Variants in CHN1 observed in about 807,000 individuals in gnomAD.
The protein encoded by CHN1 is N-chimaerin.
CHN1 carries 37 observed loss-of-function variants against 59.5 expected under a neutral mutation model. The ratio of observed to expected loss-of-function variants is 0.62; its 90% CI spans 0.48 to 0.82. The LOEUF (loss-of-function observed/expected upper bound fraction) is 0.82. CHN1 is among the 40% of genes least tolerant of loss of function. The pLI, the probability that CHN1 is intolerant of heterozygous loss-of-function variation, is 0.00. For missense variants in CHN1, 469 were observed against 571.0 expected, an observed-to-expected ratio of 0.82 and a Z score of 1.82; for synonymous variants, 206 against 200.4, an observed-to-expected ratio of 1.03 and a Z score of -0.24.
At chr2:174,957,446 T>TGGGGG (rs571065105) in intron 1 of CHN1, among the ~76,000 whole-genome samples, 12 of 89,932 alleles carry the variant, frequency 1.3e-4, no homozygotes, top group African/African-American at 2.3e-4. Flanking sequence ...GTGTGTGTGT[T>TGGGGG]GGGGGGGGGG....
chr2:174,960,517 A>G (rs1017170485), intron 1 of CHN1, among the ~76,000 whole-genome samples: 1 of 152,218 alleles, frequency 6.6e-6, no homozygotes, highest in Non-Finnish European at 1.5e-5. Flanking sequence ...AGAGCTTTTA[A>G]TATTTATTGA....
intron 7 of CHN1, among the ~76,000 whole-genome samples, chr2:174,839,271 C>T (rs927219764): frequency 1.3e-5 from 2 of 152,014 alleles, no homozygotes; most frequent in African/African-American, 2.4e-5. Flanking sequence ...TTAAAAATTG[C>T]GTGTTTTTCC....
chr2:174,834,616 T>C (rs376108141), intron 7 of CHN1, among the ~76,000 whole-genome samples: 22 of 152,354 alleles, frequency 1.4e-4, no homozygotes, highest in East Asian at 1.2e-3. Flanking sequence ...GATGAGAATT[T>C]TGCTGCCATT....
intron 6 of CHN1, among the ~76,000 whole-genome samples, chr2:174,865,031 AGAGAG>A (rs1217263642): frequency 6.6e-6 from 1 of 151,482 alleles, no homozygotes; most frequent in African/African-American, 2.5e-5. Flanking sequence ...TACTTCATGA[AGAGAG>A]GACAGCATTT....
chr2:174,882,720 T>C (rs550177634), intron 5 of CHN1, among the ~76,000 whole-genome samples: 207 of 152,340 alleles, frequency 1.4e-3, no homozygotes, highest in Non-Finnish European at 2.4e-3. Flanking sequence ...ATCATAAATA[T>C]ATATTTGTCT....
At chr2:174,909,926 G>A (rs1327667335) in intron 5 of CHN1, among the ~76,000 whole-genome samples, 4 of 152,152 alleles carry the variant, frequency 2.6e-5, no homozygotes, top group South Asian at 4.1e-4. Context: ...TTATAAATAG[G>A]AAACTAAAGC....
intron 6 of CHN1, among the ~76,000 whole-genome samples, chr2:174,869,337 T>C (rs1376084326): frequency 6.6e-6 from 1 of 152,128 alleles, no homozygotes; most frequent in African/African-American, 2.4e-5. Context: ...CATTCCAAAA[T>C]TGGAGTTAAG....
At chr2:174,980,796 A>C (rs977925687) in intron 1 of CHN1, among the ~76,000 whole-genome samples, 2 of 152,176 alleles carry the variant, frequency 1.3e-5, no homozygotes, top group Admixed American at 6.5e-5. Context: ...TGTTAGAAAT[A>C]CCTGAGGAAA....
intron 8 of CHN1, among the ~76,000 whole-genome samples, chr2:174,819,708 CAATGTGCAG>C (rs1390889991): frequency 6.6e-6 from 1 of 151,894 alleles, no homozygotes; most frequent in Non-Finnish European, 1.5e-5. Context: ...TACATGTGCA[CAATGTGCAG>C]GTTAGTTACA....
intron 11 of CHN1, chr2:174,802,186 A>ACTT (rs1184804466): frequency 9.0e-6 from 2 of 222,632 alleles, no homozygotes; most frequent in East Asian, 2.1e-4. Context: ...TTAGAATAAT[A>ACTT]CTTATAGAAT....
chr2:174,925,508 T>C (rs1340095915), intron 3 of CHN1, among the ~76,000 whole-genome samples: 4 of 152,236 alleles, frequency 2.6e-5, no homozygotes, highest in Non-Finnish European at 4.4e-5. Context: ...AGGTCTTTCC[T>C]GGACCTAGGA....
chr2:174,821,947 C>G (rs896783949), intron 8 of CHN1, among the ~76,000 whole-genome samples: 2 of 152,186 alleles, frequency 1.3e-5, no homozygotes, highest in Admixed American at 1.3e-4. Context: ...AAGCGGACAT[C>G]TCTGGGGAGC....
chr2:174,917,431 T>A (rs1688879394), intron 4 of CHN1, among the ~76,000 whole-genome samples: 4 of 151,038 alleles, frequency 2.6e-5, no homozygotes, highest in Admixed American at 6.6e-5. Flanking sequence ...CGAAACTCCA[T>A]CTTAAAAAAA....
intron 5 of CHN1, among the ~76,000 whole-genome samples, chr2:174,910,107 T>C (rs1251729008): frequency 6.6e-6 from 1 of 152,226 alleles, no homozygotes; most frequent in East Asian, 1.9e-4. Context: ...CTCTCTGATT[T>C]TCCTCTATTC....
chr2:174,846,473 G>A, intron 7 of CHN1: 2 of 1,480,164 alleles, frequency 1.4e-6, no homozygotes, highest in South Asian at 1.4e-5. Flanking sequence ...CAATCCAGAT[G>A]CAACAGCACA....
intron 8 of CHN1, among the ~76,000 whole-genome samples, chr2:174,822,864 C>T (rs950252944): frequency 3.3e-5 from 5 of 152,202 alleles, no homozygotes; most frequent in African/African-American, 1.2e-4. Context: ...TGAGCTGAGG[C>T]GCTCCCTGAC....
In CHN1 at chr2:174,802,567, T is replaced by G. The variant is rs149151007; in HGVS notation, c.1103-755A>C. The stretch of plus-strand genomic sequence containing the variant: ...TTGAAGGGAACCATCTTAATTTGAA[T>G]GTTTTAGTTCCAAATGAACAAAAAC... On this transcript the variant is annotated intron_variant, in intron 11 of 12. Transcript: ENST00000409900. 9.8e-5 allele frequency among the ~76,000 whole-genome samples: 15 copies of G among 152,376 alleles called. No homozygotes were observed. The South Asian group carries it at 3.1e-3, about 32-fold the overall frequency.
chr2:174,881,547 C>T (rs1416560236), intron 5 of CHN1, among the ~76,000 whole-genome samples: 2 of 152,162 alleles, frequency 1.3e-5, no homozygotes, highest in African/African-American at 2.4e-5. Flanking sequence ...ATAGTAGGCT[C>T]GAGTGGTAGT....
chr2:174,901,009 A>G (rs1039689339), intron 5 of CHN1, among the ~76,000 whole-genome samples: 3 of 152,226 alleles, frequency 2.0e-5, no homozygotes, highest in African/African-American at 7.2e-5. Flanking sequence ...CATAAATACT[A>G]TACACAAAAT....
Sources: allele counts gnomAD v4.1 joint callset (sites outside exome capture counted in the v4.1 genomes callset), GRCh38; gene constraint gnomAD v4.1.1; transcripts MANE v1.5; gene names NCBI Gene and HGNC (gene_info 2026-07-23, HGNC 2026-07-21).